CAPN5: variants seen among roughly 807,000 people sequenced by gnomAD.
The protein encoded by CAPN5 is calpain 5.
Under a neutral mutation model 73.0 loss-of-function variants are expected in CAPN5, and 54 were observed. The ratio of observed to expected loss-of-function variants is 0.74; its 90% CI spans 0.59 to 0.93. The LOEUF is 0.93. Among genes scored for constraint, CAPN5 ranks in the 40% least tolerant of loss-of-function variants. The pLI is 0.00. For synonymous variants in CAPN5, 335 were observed against 356.9 expected, an observed-to-expected ratio of 0.94 and a Z score of 0.69; for missense variants, 785 against 882.9, an observed-to-expected ratio of 0.89 and a Z score of 1.41.
intron 2 of CAPN5, among the ~76,000 whole-genome samples, chr11:77,086,057 A>G (rs912122958): frequency 4.6e-5 from 7 of 152,198 alleles, no homozygotes; most frequent in African/African-American, 1.7e-4. Context: ...AGAAACTCAC[A>G]GGTGGGAGCC....
chr11:77,103,233 C>G, intron 3 of CAPN5: 1 of 1,613,704 alleles, frequency 6.2e-7, no homozygotes. Context: ...CCTGTCGGAC[C>G]TGGCCAAGAT....
chr11:77,076,983 A>G (rs35761280), intron 1 of CAPN5, among the ~76,000 whole-genome samples: 6,447 of 152,352 alleles, frequency 0.042, 167 homozygotes, highest in Admixed American at 0.078. Context: ...ATTCCCACCA[A>G]CAGCGTACAA....
chr11:77,085,654 G>A lies in CAPN5; in HGVS notation c.165+603G>A, dbSNP rs139775177. ...AATGATGAACAGGTGGCGTCTCTCCGACCACTCCTTTTGGTCCCTGAGGCT... is the reference window on the plus strand; with the variant it reads ...AATGATGAACAGGTGGCGTCTCTCCAACCACTCCTTTTGGTCCCTGAGGCT... On this transcript the variant is annotated intron_variant, in intron 2 of 12. Coordinates refer to ENST00000648180, the MANE Select transcript of CAPN5 (RefSeq NM_004055.5). Among the ~76,000 whole-genome samples, 145 of 152,236 alleles carry A rather than the reference G, an allele frequency of 9.5e-4. 1 individual carries two copies. Among genetic ancestry groups the A allele is most frequent in the Non-Finnish European group, 1.5e-3 (105 of 68,012 alleles).
At chr11:77,086,966 G>C (rs1227533633) in intron 2 of CAPN5, among the ~76,000 whole-genome samples, 1 of 152,174 alleles carries the variant, frequency 6.6e-6, no homozygotes, top group Admixed American at 6.5e-5. Context: ...TCCTCCTCTC[G>C]TTGCCTTCCT....
chr11:77,093,585 TCTGTGTCTGTCA>T (rs782639086), intron 2 of CAPN5, 85 bp from the exon 3 acceptor site: 73,807 of 914,420 alleles, frequency 0.081, 2,124 homozygotes, highest in Middle Eastern at 0.13. Context: ...ACACAGCAAG[TCTGTGTCTGTCA>T]CGTCTGTGTC....
intron 4 of CAPN5, among the ~76,000 whole-genome samples, chr11:77,113,101 C>A (rs1430380572): frequency 6.6e-6 from 1 of 152,230 alleles, no homozygotes; most frequent in Admixed American, 6.5e-5. Flanking sequence ...CATTTAGGAC[C>A]ATTCTCGAAG....
At chr11:77,092,946 A>G (rs1950163952) in intron 2 of CAPN5, among the ~76,000 whole-genome samples, 1 of 152,234 alleles carries the variant, frequency 6.6e-6, no homozygotes, top group Admixed American at 6.5e-5. Context: ...CATGCACTCC[A>G]GCCTGGGCAA....
intron 7 of CAPN5, among the ~76,000 whole-genome samples, chr11:77,116,937 C>T (rs1347780255): frequency 6.6e-6 from 1 of 152,114 alleles, no homozygotes; most frequent in African/African-American, 2.4e-5. Context: ...AGCAGCTCAG[C>T]TTAAAGAGCC....
rs1950568265 is a variant in CAPN5 at position 77,125,637 on chromosome 11, T to TATATAC, written c.*1770_*1771insTACATA. On this transcript the variant is annotated 3_prime_UTR_variant, in exon 13 of 13. Coordinates refer to ENST00000648180, the MANE Select transcript of CAPN5 (RefSeq NM_004055.5). ...CACTATATATATATATATATATATA[T>TATATAC]ATACATTCATGTAATCACCACTTCT... 1 of 146,722 alleles carries TATATAC rather than the reference T, an allele frequency of 6.8e-6. No homozygotes were observed. The highest frequency in any genetic ancestry group is 2.1e-4 in the East Asian group (1 of 4,868). 9.1% of individuals were successfully genotyped at this position (146,722 alleles called of 1,614,324 possible).
Position 77,120,845 on chromosome 11 carries a change from T to G in CAPN5, c.1423T>G (p.Phe475Val). 6.2e-7 allele frequency: 1 copy of G among 1,614,114 alleles called. No homozygotes were observed. The highest frequency in any genetic ancestry group is 8.5e-7 in the Non-Finnish European group (1 of 1,179,990). Residue 475 changes from phenylalanine to valine, a missense_variant, in exon 10 of 13, where the codon TTC (phenylalanine) becomes GTC (valine). Phe to Val is a conservative substitution (Grantham distance 50). Transcript: ENST00000648180. ...EGRYVIIPTTFEPGHTGEFLL... is the reference protein window; with the variant it reads ...EGRYVIIPTTVEPGHTGEFLL... Reference sequence around the variant, plus strand: ...CCGCTATGTCATCATCCCCACAACCTTCGAGCCAGGCCACACTGGCGAGTT... The same window carrying G: ...CCGCTATGTCATCATCCCCACAACCGTCGAGCCAGGCCACACTGGCGAGTT...
intron 1 of CAPN5, among the ~76,000 whole-genome samples, chr11:77,080,044 G>A (rs190551443): frequency 4.2e-4 from 64 of 152,182 alleles, no homozygotes; most frequent in African/African-American, 1.4e-3. Flanking sequence ...TTTGAGGTAG[G>A]GGTAAGACAA....
rs1591135181 is a variant in CAPN5, at chr11:77,104,243, C to T, written c.298-8346C>T. Among the ~76,000 whole-genome samples the T allele has an allele frequency of 2.6e-5, 4 of 152,134 alleles. No homozygotes were observed. The East Asian group carries it at 7.7e-4, about 29-fold the overall frequency. The stretch of plus-strand genomic sequence containing the variant: ...GGGAGTGGATTAGTAAAGGGGGTTC[C>T]CTTTGCCTTGAGGGAAGTTGGAGCT... On this transcript the variant is annotated intron_variant, in intron 3 of 12. Coordinates refer to ENST00000648180, the MANE Select transcript of CAPN5 (RefSeq NM_004055.5).
intron 4 of CAPN5, chr11:77,113,052 C>A: frequency 1.7e-6 from 1 of 575,238 alleles, no homozygotes; most frequent in Non-Finnish European, 3.1e-6. Flanking sequence ...GAGGCCCAGG[C>A]AACATCCTGT....
intron 10 of CAPN5, among the ~76,000 whole-genome samples, chr11:77,121,377 T>C (rs1288426766): frequency 6.6e-6 from 1 of 152,236 alleles, no homozygotes; most frequent in Non-Finnish European, 1.5e-5. Context: ...CTCTCAGTCC[T>C]TGCTGGGGCA....
intron 9 of CAPN5, chr11:77,119,803 CT>C (rs1285034087): frequency 6.5e-6 from 1 of 153,474 alleles, no homozygotes; most frequent in African/African-American, 2.4e-5. Flanking sequence ...TGTTTATACT[CT>C]TGTGCTGGTA....
At chr11:77,075,747 G>C (rs1407629372) in intron 1 of CAPN5, among the ~76,000 whole-genome samples, 2 of 86,532 alleles carry the variant, frequency 2.3e-5, no homozygotes, top group African/African-American at 4.5e-5. Flanking sequence ...TAAGTGTAGA[G>C]CTCAGTGGAT....
chr11:77,093,659 C>T (rs1178076813), intron 2 of CAPN5, 23 bp from the exon 3 acceptor site: 13 of 1,555,010 alleles, frequency 8.4e-6, no homozygotes, highest in Admixed American at 5.7e-5. Flanking sequence ...GCCCCTCACG[C>T]TCTCTCCTCG....
At chr11:77,112,951 A>G (rs2135475322) in intron 4 of CAPN5, 154 bp downstream of exon 4, 1 of 707,576 alleles carries the variant, frequency 1.4e-6, no homozygotes. Flanking sequence ...GCCTGAGGGC[A>G]TAGTCAGCTG....
At chr11:77,122,108 C>A in intron 11 of CAPN5, 59 bp downstream of exon 11, 1 of 1,002,030 alleles carries the variant, frequency 1.0e-6, no homozygotes, top group Non-Finnish European at 1.4e-6. Flanking sequence ...TGGCCTCTCT[C>A]CACCAGCACG....
Sources: gnomAD v4.1 joint callset for allele counts (sites outside exome capture counted in the v4.1 genomes callset) on GRCh38, gnomAD v4.1.1 for gene constraint, MANE v1.5 for transcripts, NCBI Gene and HGNC (gene_info 2026-07-23, HGNC 2026-07-21) for gene names.